Variants in CEP128 observed in about 807,000 individuals in gnomAD.
CEP128 encodes the protein centrosomal protein 128.
A neutral mutation model predicts 156.7 loss-of-function variants in CEP128; 132 were observed. The ratio of observed to expected loss-of-function variants is 0.84; its 90% CI spans 0.73 to 0.97. The LOEUF is 0.97. CEP128 is among the 50% of genes least tolerant of loss of function. The pLI is 0.00. For synonymous variants in CEP128, 469 were observed against 448.9 expected (o/e 1.04, Z -0.57); for missense variants, 1,252 against 1,281.9 (o/e 0.98, Z 0.36).
intron 8 of CEP128, among the ~76,000 whole-genome samples, chr14:80,863,610 C>T: frequency 6.6e-6 from 1 of 152,158 alleles, no homozygotes; most frequent in East Asian, 1.9e-4. Context: ...AAAATTTACA[C>T]TATTGACAAT....
At chr14:80,708,737 C>T (rs1274090062) in intron 19 of CEP128, among the ~76,000 whole-genome samples, 1 of 152,158 alleles carries the variant, frequency 6.6e-6, no homozygotes, top group Non-Finnish European at 1.5e-5. Flanking sequence ...TCTGTAGCCA[C>T]ATTATAAAAG....
intron 19 of CEP128, among the ~76,000 whole-genome samples, chr14:80,732,201 G>A (rs568237320): frequency 6.6e-6 from 1 of 152,200 alleles, no homozygotes; most frequent in Admixed American, 6.5e-5. Flanking sequence ...ATAACCAGAG[G>A]AAACAGCAAT....
intron 9 of CEP128, among the ~76,000 whole-genome samples, chr14:80,848,408 C>A (rs1197859182): frequency 1.3e-5 from 2 of 152,086 alleles, no homozygotes; most frequent in African/African-American, 4.8e-5. Context: ...GCCTTTAATC[C>A]CAGCACTTTG....
chr14:80,576,806 T>G (rs1314709829), intron 20 of CEP128, among the ~76,000 whole-genome samples: 3 of 152,084 alleles, frequency 2.0e-5, no homozygotes, highest in African/African-American at 7.2e-5. Flanking sequence ...AGGGGCTATA[T>G]AAATAAGAGA....
At chr14:80,901,481 A>G (rs1041536876) in intron 6 of CEP128, among the ~76,000 whole-genome samples, 1 of 152,224 alleles carries the variant, frequency 6.6e-6, no homozygotes, top group African/African-American at 2.4e-5. Context: ...TATGTAAACA[A>G]ACCACAAATT....
At chr14:80,667,229 G>C (rs890225014) in intron 19 of CEP128, among the ~76,000 whole-genome samples, 2 of 152,218 alleles carry the variant, frequency 1.3e-5, no homozygotes, top group African/African-American at 2.4e-5. Flanking sequence ...AAGGCAGGCT[G>C]ATGAAAAATG....
intron 6 of CEP128, among the ~76,000 whole-genome samples, chr14:80,904,304 A>G (rs1439125763): frequency 2.0e-5 from 3 of 152,020 alleles, no homozygotes; most frequent in African/African-American, 7.2e-5. Context: ...TCATAGAAAG[A>G]TAGAGTAGAA....
At chr14:80,653,903 A>AC (rs1895021326) in intron 19 of CEP128, among the ~76,000 whole-genome samples, 1 of 152,164 alleles carries the variant, frequency 6.6e-6, no homozygotes, top group African/African-American at 2.4e-5. Flanking sequence ...ATATCCTGGC[A>AC]TTAAGGAAAC....
intron 4 of CEP128, among the ~76,000 whole-genome samples, chr14:80,907,170 T>G (rs1339935916): frequency 2.0e-5 from 3 of 152,192 alleles, no homozygotes; most frequent in Non-Finnish European, 4.4e-5. Context: ...TTTTTCAGTC[T>G]GGCTATTTGG....
intron 19 of CEP128, among the ~76,000 whole-genome samples, chr14:80,734,152 C>A (rs1307440654): frequency 6.6e-6 from 1 of 152,124 alleles, no homozygotes; most frequent in Non-Finnish European, 1.5e-5. Context: ...GAAGTTAGAT[C>A]CTCCATATAC....
At chr14:80,844,885 C>CAAAG (rs1886521387) in intron 9 of CEP128, among the ~76,000 whole-genome samples, 1 of 151,192 alleles carries the variant, frequency 6.6e-6, no homozygotes, top group Non-Finnish European at 1.5e-5. Flanking sequence ...AATGAACAAA[C>CAAAG]TTCTTGGTTC....
intron 8 of CEP128, among the ~76,000 whole-genome samples, chr14:80,866,505 T>C (rs957292290): frequency 2.2e-4 from 33 of 152,204 alleles, no homozygotes; most frequent in African/African-American, 7.9e-4. Flanking sequence ...GGGACCCAGA[T>C]ACCAGCTCAG....
At chr14:80,822,538 G>T in intron 13 of CEP128, 1 of 665,738 alleles carries the variant, frequency 1.5e-6, no homozygotes, top group South Asian at 1.4e-5. Flanking sequence ...CCAAGAGAAA[G>T]GCTGAAGGGG....
chr14:80,510,471 T>C (rs1022001857), intron 23 of CEP128, among the ~76,000 whole-genome samples: 1 of 152,138 alleles, frequency 6.6e-6, no homozygotes, highest in Admixed American at 6.5e-5. Context: ...AGGTTTTGTA[T>C]CCTTCAAATT....
At chr14:80,595,565 G>A (rs1224252528) in intron 19 of CEP128, among the ~76,000 whole-genome samples, 4 of 152,108 alleles carry the variant, frequency 2.6e-5, no homozygotes, top group Non-Finnish European at 5.9e-5. Flanking sequence ...AGACTGATAA[G>A]CCAGGTGCAT....
intron 19 of CEP128, among the ~76,000 whole-genome samples, chr14:80,727,419 C>G (rs898938288): frequency 6.6e-6 from 1 of 151,986 alleles, no homozygotes; most frequent in African/African-American, 2.4e-5. Flanking sequence ...AATCTTAATG[C>G]AATATTTTGC....
intron 20 of CEP128, among the ~76,000 whole-genome samples, chr14:80,577,483 C>A (rs8016151): frequency 6.6e-4 from 101 of 152,072 alleles, no homozygotes; most frequent in African/African-American, 2.4e-3. Flanking sequence ...ATTCTTAACT[C>A]CTTCCTTTTT....
At chr14:80,790,920 ATATGT>A (rs937440280) in intron 14 of CEP128, among the ~76,000 whole-genome samples, 3 of 152,122 alleles carry the variant, frequency 2.0e-5, no homozygotes, top group Admixed American at 1.3e-4. Flanking sequence ...TTAAGCCACA[ATATGT>A]TATATTTGTA....
intron 19 of CEP128, among the ~76,000 whole-genome samples, chr14:80,708,544 A>T (rs2139398215): frequency 6.6e-6 from 1 of 152,182 alleles, no homozygotes; most frequent in South Asian, 2.1e-4. Context: ...ACATGTGCAC[A>T]ATGTGCAGGT....
Sources: allele counts gnomAD v4.1 joint callset (sites outside exome capture counted in the v4.1 genomes callset), GRCh38; gene constraint gnomAD v4.1.1; transcripts MANE v1.5; gene names NCBI Gene and HGNC (gene_info 2026-07-23, HGNC 2026-07-21).